CTNNA3: variants seen among roughly 807,000 people sequenced by gnomAD.
The protein encoded by CTNNA3 is catenin alpha-3.
CTNNA3 carries 76 observed loss-of-function variants against 95.7 expected under a neutral mutation model. The observed-to-expected ratio is 0.79, with a 90% CI of 0.66 to 0.96. The LOEUF is 0.96. Among genes scored for constraint, CTNNA3 ranks in the 40% least tolerant of loss-of-function variants. The pLI is 0.00. For synonymous variants in CTNNA3, 431 were observed against 374.4 expected, an observed-to-expected ratio of 1.15 and a Z score of -1.74; for missense variants, 1,191 against 1,089.8, an observed-to-expected ratio of 1.09 and a Z score of -1.31.
In CTNNA3 at chr10:66,445,300, C is replaced by G. The variant is rs202087971; in HGVS notation, c.1532-65948G>C. 0.018 allele frequency among the ~76,000 whole-genome samples: 2,746 copies of G among 152,130 alleles called. 195 individuals are homozygous for G. In the East Asian group the frequency reaches 0.24, roughly 13 times the overall value. ...TTAACAAGGATACCCAGGAATTGAA[C>G]TCAGCTCTGCACCAAGCAGACCTAA... On this transcript the variant is annotated intron_variant, in intron 11 of 17. Coordinates refer to ENST00000433211, the MANE Select transcript of CTNNA3 (RefSeq NM_013266.4).
intron 1 of CTNNA3, among the ~76,000 whole-genome samples, chr10:67,676,847 A>C (rs1353055743): frequency 6.6e-6 from 1 of 152,202 alleles, no homozygotes; most frequent in Non-Finnish European, 1.5e-5. Flanking sequence ...TGGCTGAGTC[A>C]GGAGGGCCTT....
intron 1 of CTNNA3, among the ~76,000 whole-genome samples, chr10:67,660,620 C>T (rs1334807581): frequency 6.6e-6 from 1 of 152,100 alleles, no homozygotes; most frequent in Non-Finnish European, 1.5e-5. Flanking sequence ...AGCCTCCCAA[C>T]CTCATTCATA....
rs1171905743 is a variant in CTNNA3 at position 67,219,634 on chromosome 10, G to C, written c.816C>G (p.Thr272=). 2 of 1,613,728 alleles carry C rather than the reference G, an allele frequency of 1.2e-6. No individual in the cohort carries two copies. The highest frequency in any genetic ancestry group is 8.5e-7 in the Non-Finnish European group (1 of 1,179,880). ...CCAGCTCATCAAGGGCACTTCCCAG[G>C]GTTGCTGCCTGAGGTTCTGGTGGGG... is the stretch of plus-strand genomic sequence containing the variant. ...MTTPPEPQAA[T]LGSALDELEN... Residue 272 remains threonine (T), a synonymous_variant, in exon 6 of 18, where the codon ACC becomes ACG. Transcript: ENST00000433211.
chr10:67,504,452 A>AAC (rs1327691054), intron 5 of CTNNA3, among the ~76,000 whole-genome samples: 7 of 149,118 alleles, frequency 4.7e-5, no homozygotes, highest in African/African-American at 1.7e-4. Flanking sequence ...AAAAAAAAAA[A>AAC]AAAAAAAACA....
rs75009288 is a variant in CTNNA3, at chr10:66,046,417, G to A, written c.2159+22891C>T. Among the ~76,000 whole-genome samples, 396 of 152,238 alleles carry A rather than the reference G, an allele frequency of 2.6e-3. 7 individuals carry two copies. The East Asian group carries it at 0.036, about 14-fold the overall frequency. ...AGCTGCAGGTCCAGCAAAGTGGGAG[G>A]TTAGACCCCCATACATACAATATAC... On this transcript the variant is annotated intron_variant, in intron 15 of 17. Coordinates refer to ENST00000433211, the MANE Select transcript of CTNNA3 (RefSeq NM_013266.4).
intron 7 of CTNNA3, among the ~76,000 whole-genome samples, chr10:67,128,799 A>C (rs534488759): frequency 2.1e-3 from 320 of 152,240 alleles, no homozygotes; most frequent in African/African-American, 7.0e-3. Flanking sequence ...GGAAACAAAA[A>C]TCTTAATGCC....
At chr10:66,383,777 G>A (rs1255958631) in intron 11 of CTNNA3, among the ~76,000 whole-genome samples, 1 of 152,194 alleles carries the variant, frequency 6.6e-6, no homozygotes, top group Non-Finnish European at 1.5e-5. Context: ...CCAGAAGAGA[G>A]TAGGGGCCAA....
Position 66,226,928 on chromosome 10 carries a change from A to C in CTNNA3, c.1884+53542T>G, listed in dbSNP as rs12219403. Among the ~76,000 whole-genome samples, 325 of 152,186 alleles carry C rather than the reference A, an allele frequency of 2.1e-3. 2 individuals carry two copies. In the East Asian group the frequency reaches 0.042, roughly 20 times the overall value. ...TATTGTGTATCCTGCAAATTTACCA[A>C]ATTTATCAGGTCTAAGATTTTTTTT... On this transcript the variant is annotated intron_variant, in intron 13 of 17. Transcript: ENST00000433211.
intron 16 of CTNNA3, 77 bp downstream of exon 16, chr10:65,988,615 C>A: frequency 8.5e-7 from 1 of 1,181,484 alleles, no homozygotes; most frequent in Non-Finnish European, 1.2e-6. Flanking sequence ...AAAAATTTAA[C>A]TTTGCCTAAA....
intron 1 of CTNNA3, among the ~76,000 whole-genome samples, chr10:67,709,280 T>C (rs563594120): frequency 6.6e-6 from 1 of 152,294 alleles, no homozygotes; most frequent in South Asian, 2.1e-4. Context: ...AGAAATTCAG[T>C]ATATATTAAA....
intron 9 of CTNNA3, among the ~76,000 whole-genome samples, chr10:66,673,808 G>C (rs986229947): frequency 6.6e-6 from 1 of 150,720 alleles, no homozygotes. Context: ...ATTTTTGCTT[G>C]TATCAAGAAC....
rs542622310 is a variant in CTNNA3, at chr10:67,045,381, T to A, written c.1047+134936A>T. 2.5e-4 allele frequency among the ~76,000 whole-genome samples: 38 copies of A among 152,252 alleles called. No individual in the cohort carries two copies. The South Asian group carries it at 3.9e-3, about 16-fold the overall frequency. On this transcript the variant is annotated intron_variant, in intron 7 of 17. Coordinates refer to ENST00000433211, the MANE Select transcript of CTNNA3 (RefSeq NM_013266.4). ...GAGGTCACCAAATACCTCCATTTTT[T>A]AAAAAAAATTTATTCATTTTATTTT...
At chr10:66,450,514 T>G (rs1253275824) in intron 11 of CTNNA3, among the ~76,000 whole-genome samples, 2 of 152,122 alleles carry the variant, frequency 1.3e-5, no homozygotes, top group Admixed American at 1.3e-4. Context: ...TAACGTTGTA[T>G]TCATTTCACA....
chr10:67,083,877 G>A (rs573657840), intron 7 of CTNNA3, among the ~76,000 whole-genome samples: 2 of 152,062 alleles, frequency 1.3e-5, no homozygotes, highest in South Asian at 4.2e-4. Flanking sequence ...AGTAATCAAA[G>A]CAAAATTTAA....
chr10:66,467,725 A>G (rs1040993239), intron 11 of CTNNA3, among the ~76,000 whole-genome samples: 1 of 152,106 alleles, frequency 6.6e-6, no homozygotes, highest in Non-Finnish European at 1.5e-5. Flanking sequence ...AGAAAAAACA[A>G]TAGCAGAGAA....
At chr10:67,600,236 G>A (rs1843045971) in intron 3 of CTNNA3, among the ~76,000 whole-genome samples, 1 of 151,950 alleles carries the variant, frequency 6.6e-6, no homozygotes, top group Non-Finnish European at 1.5e-5. Flanking sequence ...TTATTCCCAG[G>A]TAGATTATAA....
chr10:66,821,707 T>G (rs932631271), intron 7 of CTNNA3, among the ~76,000 whole-genome samples: 2 of 152,248 alleles, frequency 1.3e-5, no homozygotes, highest in Non-Finnish European at 2.9e-5. Flanking sequence ...AGATTCCTCA[T>G]GAACTTATAC....
At chr10:67,294,756 G>A (rs1218848864) in intron 5 of CTNNA3, among the ~76,000 whole-genome samples, 1 of 152,134 alleles carries the variant, frequency 6.6e-6, no homozygotes, top group African/African-American at 2.4e-5. Flanking sequence ...AATTAAAACA[G>A]CTGTTAATAT....
intron 7 of CTNNA3, among the ~76,000 whole-genome samples, chr10:67,117,566 C>G (rs1343682234): frequency 6.6e-6 from 1 of 151,876 alleles, no homozygotes; most frequent in African/African-American, 2.4e-5. Context: ...GTAAACAAGT[C>G]GAATTTCAGA....
Sources: gnomAD v4.1 joint callset for allele counts (sites outside exome capture counted in the v4.1 genomes callset) on GRCh38, gnomAD v4.1.1 for gene constraint, MANE v1.5 for transcripts, NCBI Gene and HGNC (gene_info 2026-07-23, HGNC 2026-07-21) for gene names.